The following ARMC9 variants were observed in gnomAD, a reference collection of about 807,000 sequenced individuals.
The protein encoded by ARMC9 is armadillo repeat containing 9, also known as lisH domain-containing protein ARMC9.
A neutral mutation model predicts 107.0 loss-of-function variants in ARMC9; 94 were observed. The ratio of observed to expected loss-of-function variants is 0.88; its 90% CI spans 0.74 to 1.04. ARMC9 has a LOEUF of 1.04. Among genes scored for constraint, ARMC9 ranks in the 50% least tolerant of loss-of-function variants. The pLI, the probability that ARMC9 is intolerant of heterozygous loss-of-function variation, is 0.00. For synonymous variants in ARMC9, 380 were observed against 396.9 expected (o/e 0.96, Z 0.51); for missense variants, 942 against 1,030.1 (o/e 0.91, Z 1.17).
intron 17 of ARMC9, 53 bp from the exon 18 acceptor site, chr2:231,291,300 A>T (rs1474971061): frequency 2.1e-6 from 3 of 1,444,796 alleles, no homozygotes; most frequent in Admixed American, 3.4e-5. Context: ...ATTGAAAAGT[A>T]GTTTCCCTCC....
intron 19 of ARMC9, among the ~76,000 whole-genome samples, chr2:231,300,413 G>A (rs2041649051): frequency 6.6e-6 from 1 of 152,216 alleles, no homozygotes; most frequent in South Asian, 2.1e-4. Context: ...AAGAGTATCT[G>A]TGGTTTAAAA....
At chr2:231,283,013 T>A (rs1210749429) in intron 17 of ARMC9, among the ~76,000 whole-genome samples, 5 of 151,662 alleles carry the variant, frequency 3.3e-5, no homozygotes, top group Non-Finnish European at 5.9e-5. Flanking sequence ...TAACATTCAG[T>A]CAAAGTGTGA....
intron 8 of ARMC9, among the ~76,000 whole-genome samples, chr2:231,235,910 G>C (rs1023321771): frequency 6.6e-6 from 1 of 152,108 alleles, no homozygotes; most frequent in Non-Finnish European, 1.5e-5. Context: ...CCAAAGTGCT[G>C]GTATTACAAA....
chr2:231,324,956 G>T (rs1479920406), intron 19 of ARMC9, among the ~76,000 whole-genome samples: 1 of 152,112 alleles, frequency 6.6e-6, no homozygotes, highest in African/African-American at 2.4e-5. Flanking sequence ...GGGTGCAGTG[G>T]CTCATGCCTG....
intron 11 of ARMC9, among the ~76,000 whole-genome samples, chr2:231,260,936 C>T (rs2038282085): frequency 6.6e-6 from 1 of 152,154 alleles, no homozygotes; most frequent in African/African-American, 2.4e-5. Context: ...CTGCTTCAAC[C>T]TCAGTGAACT....
chr2:231,330,079 T>C (rs2043617303), intron 19 of ARMC9, among the ~76,000 whole-genome samples: 1 of 151,998 alleles, frequency 6.6e-6, no homozygotes, highest in Non-Finnish European at 1.5e-5. Flanking sequence ...AGGTCCATTT[T>C]GGAGTTCTGT....
intron 21 of ARMC9, among the ~76,000 whole-genome samples, chr2:231,353,312 G>A (rs1012842460): frequency 1.6e-5 from 2 of 124,578 alleles, no homozygotes; most frequent in Non-Finnish European, 3.0e-5. Context: ...TCAGCTTCCC[G>A]AGTAGTTGGG....
chr2:231,202,003 C>CTT (rs5839391), intron 1 of ARMC9, among the ~76,000 whole-genome samples: 3 of 135,144 alleles, frequency 2.2e-5, no homozygotes, highest in Non-Finnish European at 4.7e-5. Flanking sequence ...TTCTTTCTTT[C>CTT]TTTTTTTTTT....
intron 8 of ARMC9, among the ~76,000 whole-genome samples, chr2:231,238,596 G>A (rs1021308170): frequency 1.6e-4 from 24 of 152,174 alleles, no homozygotes; most frequent in Non-Finnish European, 2.4e-4. Context: ...CAAGTGATCC[G>A]CCTGCCTCAG....
chr2:231,211,730 G>A (rs575048628), intron 3 of ARMC9, among the ~76,000 whole-genome samples: 13 of 152,234 alleles, frequency 8.5e-5, no homozygotes, highest in African/African-American at 1.2e-4. Flanking sequence ...GTACATAAGC[G>A]TTCCAGTTTC....
intron 5 of ARMC9, 89 bp from the exon 6 acceptor site, chr2:231,222,639 A>G (rs1462195837): frequency 5.7e-6 from 4 of 696,866 alleles, no homozygotes; most frequent in African/African-American, 3.7e-5. Context: ...ATCACTGTGC[A>G]GGGTTTTTTA....
In ARMC9 at chr2:231,292,613, G is replaced by A. The variant is rs3806548; in HGVS notation, c.1717+1170G>A. 5.2e-3 allele frequency among the ~76,000 whole-genome samples: 798 copies of A among 152,186 alleles called. 24 individuals carry two copies. Among genetic ancestry groups the A allele is most frequent in the Admixed American group, 0.038 (579 of 15,294 alleles). On this transcript the variant is annotated intron_variant, in intron 18 of 24. Coordinates refer to ENST00000611582, the MANE Select transcript of ARMC9 (RefSeq NM_001352754.2). ...GCAGAGGTGGTAGGGAAAGCTCTTC[G>A]GCTGTTTCTGTGGACTCCTGACATC...
intron 8 of ARMC9, among the ~76,000 whole-genome samples, chr2:231,238,645 GC>G (rs531192068): frequency 5.6e-4 from 85 of 152,354 alleles, no homozygotes; most frequent in Admixed American, 1.2e-3. Context: ...GAGCCACTAT[GC>G]CAGGCCTGAA....
intron 14 of ARMC9, among the ~76,000 whole-genome samples, chr2:231,274,433 G>A (rs973741013): frequency 1.3e-5 from 2 of 152,102 alleles, no homozygotes; most frequent in Non-Finnish European, 2.9e-5. Context: ...CATTTTGTTT[G>A]TCCTTCAGTT....
chr2:231,278,604 A>C (rs1400052598), intron 16 of ARMC9, 146 bp downstream of exon 16: 3 of 668,604 alleles, frequency 4.5e-6, no homozygotes, highest in Non-Finnish European at 7.4e-6. Context: ...GATTTTCATA[A>C]GCAACTGGAA....
rs575197606 is a variant in ARMC9 at position 231,376,343 on chromosome 2, G to A, written c.*4808G>A. Among the ~76,000 whole-genome samples, 5 of 152,236 alleles carry A rather than the reference G, an allele frequency of 3.3e-5. No homozygotes were observed. Among genetic ancestry groups the A allele is most frequent in the Admixed American group, 6.5e-5 (1 of 15,286 alleles). On this transcript the variant is annotated 3_prime_UTR_variant, in exon 25 of 25. Coordinates refer to ENST00000611582, the MANE Select transcript of ARMC9 (RefSeq NM_001352754.2). ...TTCAAAAGCAAATGGGAGAAATATC[G>A]CTGAATTCTTTTTCTCAGCATGGAA...
intron 1 of ARMC9, chr2:231,198,966 C>T (rs2030231809): frequency 6.6e-6 from 1 of 152,278 alleles, no homozygotes; most frequent in Non-Finnish European, 1.5e-5. Context: ...ATCTTTGCTG[C>T]AGTGGGCCAT....
At chr2:231,228,122 G>A (rs569997616) in intron 7 of ARMC9, among the ~76,000 whole-genome samples, 6 of 152,294 alleles carry the variant, frequency 3.9e-5, no homozygotes, top group East Asian at 3.9e-4. Flanking sequence ...GGTGCGTCCC[G>A]GGCCAGTTTG....
intron 20 of ARMC9, among the ~76,000 whole-genome samples, chr2:231,338,240 A>T (rs1046584896): frequency 4.6e-4 from 68 of 149,406 alleles, no homozygotes; most frequent in Admixed American, 1.4e-3. Flanking sequence ...TTTTTTTTTA[A>T]AACAGTCTTG....
Sources: gnomAD v4.1 joint callset for allele counts (sites outside exome capture counted in the v4.1 genomes callset) on GRCh38, gnomAD v4.1.1 for gene constraint, MANE v1.5 for transcripts, NCBI Gene and HGNC (gene_info 2026-07-23, HGNC 2026-07-21) for gene names.